Variants in NUP188 observed in about 807,000 individuals in gnomAD.
The protein encoded by NUP188 is nucleoporin NUP188.
In NUP188, 97 loss-of-function variants were observed where a neutral mutation model predicts 223.0. That is an observed-to-expected ratio of 0.43 (90% CI 0.37 to 0.51). The LOEUF is 0.51. Among genes scored for constraint, NUP188 ranks in the 20% least tolerant of loss-of-function variants. The pLI, the probability that NUP188 is intolerant of heterozygous loss-of-function variation, is 0.00. For missense variants in NUP188, 1,947 were observed against 2,175.6 expected (o/e 0.89, Z 2.09); for synonymous variants, 869 against 828.0 (o/e 1.05, Z -0.85).
intron 8 of NUP188, among the ~76,000 whole-genome samples, chr9:128,959,772 T>G (rs1841921490): frequency 6.6e-6 from 1 of 152,042 alleles, no homozygotes; most frequent in African/African-American, 2.4e-5. Context: ...ACTCCCGACC[T>G]CAGGTGATCC....
chr9:128,982,975 G>C lies in NUP188; in HGVS notation c.1743G>C (p.Ser581=), dbSNP rs148151804. ...ATAAGGTCATCAGTACAGACCTGTC[G>C]ATAGCAGACTGTCTCCTGCCCATCA... ...LVHKVISTDL[S]IADCLLPITS... is the part of the protein sequence containing the mutation. Residue 581 remains serine, a synonymous_variant, in exon 17 of 44, where the codon TCG becomes TCC. Coordinates refer to ENST00000372577, the MANE Select transcript of NUP188 (RefSeq NM_015354.3). The C allele has an allele frequency of 1.2e-6, 2 of 1,614,114 alleles. No homozygotes were observed. Among genetic ancestry groups the C allele is most frequent in the Non-Finnish European group, 1.7e-6 (2 of 1,180,000 alleles).
At chr9:128,957,549 C>G (rs959879234) in intron 5 of NUP188, among the ~76,000 whole-genome samples, 1 of 152,008 alleles carries the variant, frequency 6.6e-6, no homozygotes, top group African/African-American at 2.4e-5. Flanking sequence ...ACTGGAAGCT[C>G]TGTCTCCCGG....
intron 13 of NUP188, 144 bp from the exon 14 acceptor site, chr9:128,980,462 G>A: frequency 1.3e-6 from 1 of 785,662 alleles, no homozygotes; most frequent in Non-Finnish European, 2.0e-6. Flanking sequence ...GTGGAAATAT[G>A]AAAGTCTTAA....
intron 38 of NUP188, among the ~76,000 whole-genome samples, chr9:129,004,151 C>T (rs989553214): frequency 2.0e-5 from 3 of 151,586 alleles, no homozygotes. Context: ...GTGGCACACG[C>T]CTGTAGTCCC....
intron 12 of NUP188, 135 bp from the exon 13 acceptor site, chr9:128,979,127 C>T (rs1232351258): frequency 3.6e-6 from 2 of 555,244 alleles, no homozygotes; most frequent in East Asian, 6.4e-5. Context: ...TGCTCTGGAA[C>T]TCCTGGATTG....
rs761846096 is a variant in NUP188 at position 128,998,155 on chromosome 9, A to G, written c.3356A>G (p.Asp1119Gly). ...MLLIIATTHA[D>G]IMHLTDSVVR... ...CCTTTTTCTGTTCCTTTGCAGGCAGATATAATGCACCTGACTGACTCTGTG... is the reference window on the plus strand; with the variant it reads ...CCTTTTTCTGTTCCTTTGCAGGCAGGTATAATGCACCTGACTGACTCTGTG... The change falls in exon 31 of 44, where the codon GAT becomes GGT. Residue 1119 changes from aspartate (D) to glycine (G), a missense_variant. Asp to Gly is a moderately conservative substitution (Grantham distance 94, BLOSUM62 -1). Around this residue, in one of 3 missense-constraint regions of NUP188, gnomAD observed 905 missense variants for 990.6 expected, o/e 0.91. Transcript: ENST00000372577. 4 of 1,613,362 alleles carry G rather than the reference A, an allele frequency of 2.5e-6. No individual in the cohort carries two copies. In the African/African-American group the frequency reaches 5.3e-5, roughly 22 times the overall value.
intron 38 of NUP188, 131 bp from the exon 39 acceptor site, chr9:129,005,016 G>C: frequency 1.4e-6 from 1 of 697,874 alleles, no homozygotes; most frequent in South Asian, 1.6e-5. Context: ...GAGCATGAGG[G>C]AAGGAGGGAG....
At position 128,970,760 on chromosome 9, in the gene NUP188, T is replaced by A; in HGVS notation, c.915T>A (p.Asp305Glu). The A allele has an allele frequency of 6.2e-7, 1 of 1,613,962 alleles. No homozygotes were observed. The highest frequency in any genetic ancestry group is 8.5e-7 in the Non-Finnish European group (1 of 1,179,838). The change falls in exon 11 of 44, where the codon GAT (aspartate) becomes GAA (glutamate). Residue 305 changes from aspartate to glutamate, a missense_variant and splice_region_variant. Transcript: ENST00000372577. The stretch of plus-strand genomic sequence containing the variant: ...GATGTGTTTTCTTCTCTCACTAGGA[T>A]ATGGACTGTTTAATGTTGACCTTTG... ...QFAQDGLICQ[D>E]MDCLMLTFGD... is the part of the protein sequence containing the mutation.
chr9:128,975,414 G>T (rs1588278407), intron 12 of NUP188, among the ~76,000 whole-genome samples: 1 of 150,754 alleles, frequency 6.6e-6, no homozygotes, highest in Non-Finnish European at 1.5e-5. Flanking sequence ...AGTAGAGATG[G>T]GGTTTCACCG....
intron 11 of NUP188, among the ~76,000 whole-genome samples, 161 bp downstream of exon 11, chr9:128,971,119 A>G (rs1453534622): frequency 5.3e-5 from 8 of 152,170 alleles, no homozygotes; most frequent in Admixed American, 5.2e-4. Context: ...GTTTATGAAC[A>G]TTATCTTTTT....
rs767662737 is a variant in NUP188 at position 128,968,704 on chromosome 9, G to GTAT, written c.786_787insTTA (p.Val262_Asp263insLeu). 6.2e-7 allele frequency: 1 copy of GTAT among 1,613,474 alleles called. No homozygotes were observed. Among genetic ancestry groups the GTAT allele is most frequent in the East Asian group, 2.2e-5 (1 of 44,882 alleles). On this transcript the variant is annotated inframe_insertion, in exon 9 of 44. Transcript: ENST00000372577. ...GGTGGATGAGACTATGGATCCTTTT[G>GTAT]TAGATCGGATTGGGTAAGTCAGTGA...
At chr9:128,982,003 G>A (rs1588281622) in intron 15 of NUP188, among the ~76,000 whole-genome samples, 1 of 151,972 alleles carries the variant, frequency 6.6e-6, no homozygotes, top group African/African-American at 2.4e-5. Context: ...TTTGAACTTG[G>A]GAGGCAGAGG....
At chr9:128,992,262 G>C (rs1001412893) in intron 25 of NUP188, among the ~76,000 whole-genome samples, 5 of 151,968 alleles carry the variant, frequency 3.3e-5, no homozygotes, top group African/African-American at 9.7e-5. Context: ...GCTGTGGCAT[G>C]ATCTCACTGC....
Position 129,001,520 on chromosome 9 carries a change from T to C in NUP188, c.3844-9T>C. 6.2e-7 allele frequency: 1 copy of C among 1,610,268 alleles called. No homozygotes were observed. Among genetic ancestry groups the C allele is most frequent in the South Asian group, 1.1e-5 (1 of 91,040 alleles). Reference sequence around the variant, plus strand: ...CTTCCCCCTTTTACTCATCTTTGCCTCTGGGCAGGTGTGTGTCCTGGGCCT... The same window carrying C: ...CTTCCCCCTTTTACTCATCTTTGCCCCTGGGCAGGTGTGTGTCCTGGGCCT... On this transcript the variant is annotated splice_polypyrimidine_tract_variant and intron_variant, in intron 34 of 43. Transcript: ENST00000372577.
At chr9:128,956,567 A>C in intron 4 of NUP188, 133 bp downstream of exon 4, 1 of 559,514 alleles carries the variant, frequency 1.8e-6, no homozygotes, top group East Asian at 3.2e-5. Context: ...CCCAGGTTGC[A>C]ACTCTTCTCC....
intron 20 of NUP188, among the ~76,000 whole-genome samples, chr9:128,986,195 G>A (rs1363628222): frequency 6.6e-6 from 1 of 152,164 alleles, no homozygotes; most frequent in Non-Finnish European, 1.5e-5. Context: ...GTATTTCAGT[G>A]ATGGGATTGA....
At position 129,001,911 on chromosome 9, in the gene NUP188, A is replaced by G. The variant is rs191416848; in HGVS notation, c.4072A>G (p.Ile1358Val). The change falls in exon 36 of 44, where the codon ATC becomes GTC. Residue 1358 changes from isoleucine (I) to valine (V), a missense_variant. This residue lies in a region of NUP188 where 905 missense variants were observed against 990.6 expected (regional missense o/e 0.91). Transcript: ENST00000372577. Reference sequence around the variant, plus strand: ...AGCCACAGCAGTGGCTGGAGCTGGCATCACCCAGAGCATTTGTTTGCCCCT... The same window carrying G: ...AGCCACAGCAGTGGCTGGAGCTGGCGTCACCCAGAGCATTTGTTTGCCCCT... ...QGATAVAGAG[I>V]TQSICLPLLS... 1 of 1,614,142 alleles carries G rather than the reference A, an allele frequency of 6.2e-7. No individual in the cohort carries two copies. The highest frequency in any genetic ancestry group is 8.5e-7 in the Non-Finnish European group (1 of 1,180,012).
chr9:128,948,127 C>A (rs74353084), intron 1 of NUP188: 6,500 of 191,474 alleles, frequency 0.034, 445 homozygotes, highest in African/African-American at 0.14. Flanking sequence ...GGGGTACCCC[C>A]CACCCACGTC....
chr9:128,965,357 C>T (rs1842012888), intron 8 of NUP188, among the ~76,000 whole-genome samples: 2 of 152,020 alleles, frequency 1.3e-5, no homozygotes, highest in African/African-American at 4.8e-5. Context: ...TAAGGCTGTT[C>T]ATATTATTTT....
Sources: allele counts gnomAD v4.1 joint callset (sites outside exome capture counted in the v4.1 genomes callset), GRCh38; gene constraint gnomAD v4.1.1; regional missense constraint gnomAD v4.1.1; transcripts MANE v1.5; gene names NCBI Gene and HGNC (gene_info 2026-07-23, HGNC 2026-07-21).